IL1RAPL2: variants seen among roughly 807,000 people sequenced by gnomAD.
The protein encoded by IL1RAPL2 is interleukin 1 receptor accessory protein like 2.
Under a neutral mutation model 44.1 loss-of-function variants are expected in IL1RAPL2, and 3 were observed. That is an observed-to-expected ratio of 0.07 (90% confidence interval 0.03 to 0.18). The LOEUF (loss-of-function observed/expected upper bound fraction) is 0.18, where lower values mean the gene tolerates loss of function less well. IL1RAPL2 is among the 10% of genes least tolerant of loss of function. The pLI is 1.00. For synonymous variants in IL1RAPL2, 181 were observed against 178.8 expected (o/e 1.01, Z -0.10); for missense variants, 391 against 496.4 (o/e 0.79, Z 2.02).
At chrX:105,264,757 A>G (rs1265862044) in intron 4 of IL1RAPL2, among the ~76,000 whole-genome samples, 1 of 111,997 alleles carries the variant, frequency 8.9e-6, no homozygotes, top group Non-Finnish European at 1.9e-5. Context: ...TTTGCTGAAG[A>G]TGACAGAACT....
chrX:104,866,232 T>C (rs1485072095), intron 2 of IL1RAPL2, among the ~76,000 whole-genome samples: 1 of 112,005 alleles, frequency 8.9e-6, no homozygotes, highest in Non-Finnish European at 1.9e-5. Flanking sequence ...CAACTCATAG[T>C]GTGTTGTAGA....
At chrX:105,646,763 C>T (rs987949198) in intron 6 of IL1RAPL2, among the ~76,000 whole-genome samples, 8 of 112,018 alleles carry the variant, frequency 7.1e-5, no homozygotes, top group African/African-American at 2.6e-4. Flanking sequence ...GAGGAGTGTA[C>T]TTGAGTGACA....
chrX:104,751,305 CAT>C (rs777817472), intron 2 of IL1RAPL2, among the ~76,000 whole-genome samples: 8 of 111,581 alleles, frequency 7.2e-5, no homozygotes, highest in African/African-American at 2.6e-4. Context: ...GTGAGAAAAA[CAT>C]ATGGTTCCTG....
In IL1RAPL2 at chrX:104,614,647, T is replaced by C. The variant is rs756373562; in HGVS notation, c.-19-44248T>C. Among the ~76,000 whole-genome samples the C allele has an allele frequency of 1.3e-4, 15 of 112,039 alleles. No homozygotes were observed. In the East Asian group the frequency reaches 4.2e-3, roughly 32 times the overall value. On this transcript the variant is annotated intron_variant, in intron 1 of 10. Transcript: ENST00000372582. ...GTTGAAGTTCCACACTATTATTGTG[T>C]GGCTAAGTCTTTTGTAGGTTTAGAA...
chrX:105,653,782 T>A (rs1430864899), intron 6 of IL1RAPL2, among the ~76,000 whole-genome samples: 1 of 111,945 alleles, frequency 8.9e-6, no homozygotes, highest in African/African-American at 3.2e-5. Context: ...TAAATTGTTT[T>A]GACTTAAAAG....
At chrX:104,763,303 T>A (rs1051399974) in intron 2 of IL1RAPL2, among the ~76,000 whole-genome samples, 2 of 112,124 alleles carry the variant, frequency 1.8e-5, no homozygotes, top group Non-Finnish European at 3.8e-5. Flanking sequence ...TCAATGTCCA[T>A]ATCACTATCA....
intron 5 of IL1RAPL2, among the ~76,000 whole-genome samples, chrX:105,448,384 A>G (rs1350639192): frequency 1.2e-5 from 1 of 80,828 alleles, no homozygotes; most frequent in East Asian, 3.3e-4. Context: ...TTTTTTTTTG[A>G]TACGTTGTTT....
chrX:105,336,991 C>G (rs1386200275), intron 5 of IL1RAPL2, among the ~76,000 whole-genome samples: 3 of 111,347 alleles, frequency 2.7e-5, no homozygotes, highest in African/African-American at 9.8e-5. Flanking sequence ...CCATTTCCAC[C>G]TCCAATACCT....
At chrX:104,647,831 G>T in intron 1 of IL1RAPL2, 1 of 561,447 alleles carries the variant, frequency 1.8e-6, no homozygotes. Flanking sequence ...CCATGGGATA[G>T]GAAAGTGAGT....
chrX:104,842,834 G>A (rs1296518572), intron 2 of IL1RAPL2, among the ~76,000 whole-genome samples: 1 of 112,571 alleles, frequency 8.9e-6, no homozygotes, highest in Non-Finnish European at 1.9e-5. Flanking sequence ...GTCCACCCCT[G>A]TTGGGAGGTC....
chrX:104,873,321 T>C (rs1416256215), intron 2 of IL1RAPL2, among the ~76,000 whole-genome samples: 1 of 111,923 alleles, frequency 8.9e-6, no homozygotes, highest in Non-Finnish European at 1.9e-5. Flanking sequence ...CAAAATACTG[T>C]CACATTGGGA....
intron 6 of IL1RAPL2, among the ~76,000 whole-genome samples, chrX:105,664,507 C>A (rs1165474139): frequency 1.8e-5 from 2 of 111,756 alleles, no homozygotes; most frequent in Non-Finnish European, 3.8e-5. Flanking sequence ...CAATGAGAAC[C>A]CTTTTCCTGG....
intron 7 of IL1RAPL2, among the ~76,000 whole-genome samples, chrX:105,733,030 T>C (rs1364435233): frequency 8.9e-6 from 1 of 112,119 alleles, no homozygotes; most frequent in Non-Finnish European, 1.9e-5. Context: ...TGAAAATCTT[T>C]TAACAGTTTT....
chrX:104,780,589 A>G (rs1409929795), intron 2 of IL1RAPL2, among the ~76,000 whole-genome samples: 1 of 111,931 alleles, frequency 8.9e-6, no homozygotes, highest in Non-Finnish European at 1.9e-5. Flanking sequence ...TTTCATTTCT[A>G]AGACTTGATG....
At chrX:105,245,328 G>A (rs762453841) in intron 4 of IL1RAPL2, among the ~76,000 whole-genome samples, 60 of 111,618 alleles carry the variant, frequency 5.4e-4, no homozygotes, top group African/African-American at 1.9e-3. Flanking sequence ...GGCCTTTAAG[G>A]ACTATCATTC....
chrX:105,035,271 C>T (rs1236417793), intron 2 of IL1RAPL2, among the ~76,000 whole-genome samples: 1 of 111,768 alleles, frequency 8.9e-6, no homozygotes, highest in Non-Finnish European at 1.9e-5. Context: ...TTCTGGCACT[C>T]CCTAGTGAGA....
Position 105,740,784 on chromosome X carries a change from G to A in IL1RAPL2, c.1048+93G>A, listed in dbSNP as rs72618312. On this transcript the variant is annotated intron_variant, in intron 8 of 10. Transcript: ENST00000372582. ...TCCTGGCTTTATTTTATCATGTAGT[G>A]TAAACCTTTATTAACCATTTTGTCT... The A allele has an allele frequency of 7.4e-3, 6,253 of 847,900 alleles. 152 individuals carry two copies. In the South Asian group the frequency reaches 0.085, roughly 11 times the overall value. 69.9% of individuals were successfully genotyped at this position (847,900 alleles called of 1,213,427 possible). A position where few individuals can be genotyped will look rare whatever the true frequency, so the allele number is the denominator to read the frequency against.
chrX:104,702,830 A>G (rs1344076495), intron 2 of IL1RAPL2, among the ~76,000 whole-genome samples: 7 of 111,705 alleles, frequency 6.3e-5, no homozygotes, highest in African/African-American at 2.3e-4. Flanking sequence ...GTTTATCTGT[A>G]TAGGAGAAAA....
intron 6 of IL1RAPL2, among the ~76,000 whole-genome samples, chrX:105,692,116 T>C (rs1425503022): frequency 1.8e-5 from 2 of 112,003 alleles, no homozygotes; most frequent in Non-Finnish European, 3.8e-5. Flanking sequence ...TACAGGTTAA[T>C]CTTCAACTGA....
Sources: gnomAD v4.1 joint callset for allele counts (sites outside exome capture counted in the v4.1 genomes callset) on GRCh38, gnomAD v4.1.1 for gene constraint, MANE v1.5 for transcripts, NCBI Gene and HGNC (gene_info 2026-07-23, HGNC 2026-07-21) for gene names.